Variants in BANK1 observed in about 807,000 individuals in gnomAD.
BANK1 encodes the protein B-cell scaffold protein with ankyrin repeats.
In BANK1, 95 loss-of-function variants were observed where a neutral mutation model predicts 94.5. That is an observed-to-expected ratio of 1.00 (90% CI 0.85 to 1.19). The LOEUF (loss-of-function observed/expected upper bound fraction) is 1.19. Among genes scored for constraint, BANK1 ranks in the 50% most tolerant of loss-of-function variants. BANK1 has a pLI of 0.00. For synonymous variants in BANK1, 334 were observed against 308.4 expected (o/e 1.08, Z -0.87); for missense variants, 987 against 932.2 (o/e 1.06, Z -0.77).
At chr4:102,016,317 A>C (rs1019049345) in intron 7 of BANK1, among the ~76,000 whole-genome samples, 1 of 152,142 alleles carries the variant, frequency 6.6e-6, no homozygotes, top group Non-Finnish European at 1.5e-5. Context: ...TGAAACCTTC[A>C]TATGTGGGTA....
At chr4:101,861,672 T>C (rs1727881960) in intron 3 of BANK1, among the ~76,000 whole-genome samples, 2 of 151,050 alleles carry the variant, frequency 1.3e-5, no homozygotes, top group South Asian at 4.2e-4. Flanking sequence ...GGTATGTGTA[T>C]GTGTGTGTGT....
intron 7 of BANK1, among the ~76,000 whole-genome samples, chr4:101,968,509 G>A (rs1400255952): frequency 6.6e-6 from 1 of 151,566 alleles, no homozygotes; most frequent in Non-Finnish European, 1.5e-5. Context: ...TTTTTTTCTA[G>A]TGTCTGAAAT....
rs565883540 is a variant in BANK1, at chr4:101,808,334, C to T, written c.70+17384C>T. ...TATAAAATATTGATATTGTCACCTACTAATAGATCAACATAGAGACATTCT... is the reference window on the plus strand; with the variant it reads ...TATAAAATATTGATATTGTCACCTATTAATAGATCAACATAGAGACATTCT... On this transcript the variant is annotated intron_variant, in intron 1 of 16. Coordinates refer to ENST00000322953, the MANE Select transcript of BANK1 (RefSeq NM_017935.5). 3.3e-5 allele frequency among the ~76,000 whole-genome samples: 5 copies of T among 152,132 alleles called. No individual in the cohort carries two copies. The South Asian group carries it at 1.0e-3, about 32-fold the overall frequency.
At chr4:101,862,396 G>A in intron 3 of BANK1, 130 bp from the exon 4 acceptor site, 1 of 629,430 alleles carries the variant, frequency 1.6e-6, no homozygotes. Flanking sequence ...GGATACAGTT[G>A]AAAATACAAA....
intron 1 of BANK1, among the ~76,000 whole-genome samples, chr4:101,795,750 T>C (rs750772556): frequency 9.8e-5 from 15 of 152,328 alleles, no homozygotes; most frequent in Non-Finnish European, 1.6e-4. Context: ...ATGTAGAACT[T>C]TCACTACTTT....
chr4:101,895,693 T>C (rs901511702), intron 6 of BANK1, among the ~76,000 whole-genome samples: 4 of 151,978 alleles, frequency 2.6e-5, no homozygotes, highest in Admixed American at 2.6e-4. Context: ...TCATTTAGGA[T>C]AGAAATTATT....
intron 2 of BANK1, among the ~76,000 whole-genome samples, chr4:101,844,868 C>T (rs1727187337): frequency 6.6e-6 from 1 of 152,052 alleles, no homozygotes; most frequent in Admixed American, 6.5e-5. Context: ...TAGAGTGATC[C>T]TCAAGGAAAG....
chr4:101,852,822 G>A (rs115266946), intron 2 of BANK1, among the ~76,000 whole-genome samples: 2,327 of 151,760 alleles, frequency 0.015, 34 homozygotes, highest in Non-Finnish European at 0.024. Flanking sequence ...AAATCTTTTT[G>A]TACATTTGTG....
chr4:102,007,070 ATATATATATAAATATATATATAATATATT>A (rs1726291665), intron 7 of BANK1, among the ~76,000 whole-genome samples: 1 of 97,132 alleles, frequency 1.0e-5, no homozygotes, highest in African/African-American at 3.5e-5. Context: ...ATATAATTTT[ATATATATATAAATATATATATAATATATT>A]TATATATATA....
chr4:101,989,967 CT>C (rs2148931492), intron 7 of BANK1, among the ~76,000 whole-genome samples: 1 of 152,188 alleles, frequency 6.6e-6, no homozygotes, highest in African/African-American at 2.4e-5. Flanking sequence ...TCCTACCTTT[CT>C]TTTTTTCCCT....
intron 1 of BANK1, among the ~76,000 whole-genome samples, chr4:101,821,805 G>A (rs1170660745): frequency 2.6e-5 from 4 of 152,142 alleles, no homozygotes; most frequent in African/African-American, 7.2e-5. Context: ...TGAAAGAAAA[G>A]TCGTAGAAAA....
chr4:101,861,248 TG>T (rs1210894085), intron 3 of BANK1, among the ~76,000 whole-genome samples: 1 of 152,216 alleles, frequency 6.6e-6, no homozygotes, highest in Non-Finnish European at 1.5e-5. Context: ...GATTTTTGTG[TG>T]AGCTGAAATG....
At chr4:101,849,384 C>T (rs1262558956) in intron 2 of BANK1, among the ~76,000 whole-genome samples, 5 of 152,112 alleles carry the variant, frequency 3.3e-5, no homozygotes, top group Non-Finnish European at 7.3e-5. Context: ...CTTCTCTTCA[C>T]CATTTTAAGT....
At chr4:101,984,090 GA>G (rs1725409553) in intron 7 of BANK1, among the ~76,000 whole-genome samples, 1 of 151,824 alleles carries the variant, frequency 6.6e-6, no homozygotes. Context: ...GATAAGCAGA[GA>G]ATTTCATTTA....
chr4:102,068,516 A>C (rs888674682), intron 13 of BANK1, among the ~76,000 whole-genome samples: 1 of 152,280 alleles, frequency 6.6e-6, no homozygotes, highest in Admixed American at 6.5e-5. Context: ...GACATTAAAA[A>C]CATACTAAGG....
intron 7 of BANK1, among the ~76,000 whole-genome samples, chr4:101,936,298 C>T (rs1033188402): frequency 6.7e-6 from 1 of 150,084 alleles, no homozygotes; most frequent in Non-Finnish European, 1.5e-5. Flanking sequence ...TATATGCACA[C>T]ATACATGCAT....
At chr4:101,894,044 G>A (rs981771810) in intron 5 of BANK1, among the ~76,000 whole-genome samples, 3 of 152,024 alleles carry the variant, frequency 2.0e-5, no homozygotes, top group Middle Eastern at 3.4e-3. Context: ...TCTCAATTTG[G>A]AGCATGTCTT....
intron 7 of BANK1, among the ~76,000 whole-genome samples, chr4:101,998,417 T>A (rs1471526399): frequency 6.6e-6 from 1 of 152,210 alleles, no homozygotes; most frequent in Non-Finnish European, 1.5e-5. Flanking sequence ...GAGAGTTCTG[T>A]AGATGTCTAT....
intron 7 of BANK1, among the ~76,000 whole-genome samples, chr4:102,016,936 A>C (rs543254090): frequency 6.6e-6 from 1 of 152,286 alleles, no homozygotes; most frequent in East Asian, 1.9e-4. Context: ...GGGAGAGTGC[A>C]TTCTGTAAAA....
Sources: allele counts gnomAD v4.1 joint callset (sites outside exome capture counted in the v4.1 genomes callset), GRCh38; gene constraint gnomAD v4.1.1; transcripts MANE v1.5; gene names NCBI Gene and HGNC (gene_info 2026-07-23, HGNC 2026-07-21).